GNE: variants seen among roughly 807,000 people sequenced by gnomAD.
GNE encodes the protein glucosamine (UDP-N-acetyl)-2-epimerase/N-acetylmannosamine kinase, also known as bifunctional UDP-N-acetylglucosamine 2-epimerase/N-acetylmannosamine kinase.
In GNE, 41 loss-of-function variants were observed where a neutral mutation model predicts 61.8. The observed-to-expected ratio is 0.66, with a 90% CI of 0.52 to 0.86. GNE has a LOEUF of 0.86. Among genes scored for constraint, GNE ranks in the 40% least tolerant of loss-of-function variants. The probability of loss-of-function intolerance (pLI) is 0.00; values close to 1 mark genes in which losing one functional copy is unlikely to be tolerated. For synonymous variants in GNE, 264 were observed against 326.4 expected (o/e 0.81, Z 2.06); for missense variants, 608 against 909.1 (o/e 0.67, Z 4.26).
rs1275681746 is a variant in GNE, at chr9:36,218,673, T to C, written c.1817-374A>G. ...TCATCCCAGACACAATGCTGTGCCA[T>C]CTGCCAGCGCCACGCGTTCTATGGC... On this transcript the variant is annotated intron_variant, in intron 10 of 11. Transcript: ENST00000642385. The surrounding 1 kb of genome is among the most constrained non-coding windows in gnomAD (Gnocchi z 4.1). Among the ~76,000 whole-genome samples, 1 of 152,218 alleles carries C rather than the reference T, an allele frequency of 6.6e-6. No homozygotes were observed. The highest frequency in any genetic ancestry group is 6.5e-5 in the Admixed American group (1 of 15,274).
intron 1 of GNE, among the ~76,000 whole-genome samples, chr9:36,256,655 A>G (rs1234854709): frequency 6.6e-6 from 1 of 152,150 alleles, no homozygotes; most frequent in Non-Finnish European, 1.5e-5. Context: ...TGCCCCACTC[A>G]ACCGTGGAAA....
At chr9:36,235,935 A>G (rs933968679) in intron 4 of GNE, among the ~76,000 whole-genome samples, 3 of 152,200 alleles carry the variant, frequency 2.0e-5, no homozygotes, top group Admixed American at 2.0e-4. Context: ...GACATTTCTC[A>G]TTAATATCTC....
upstream of GNE, among the ~76,000 whole-genome samples, chr9:36,260,186 T>TGGGAGGATCGCTTGTGCTC (rs1261166927): frequency 6.8e-6 from 1 of 147,582 alleles, no homozygotes; most frequent in Non-Finnish European, 1.5e-5. Flanking sequence ...AAGGCAGAGG[T>TGGGAGGATCGCTTGTGCTC]GGGAGGATCG....
intron 1 of GNE, among the ~76,000 whole-genome samples, chr9:36,273,794 G>A (rs558928685): frequency 4.0e-5 from 6 of 151,090 alleles, no homozygotes; most frequent in African/African-American, 7.3e-5. Flanking sequence ...ACCTGCCACC[G>A]CACCTGGCTA....
At chr9:36,231,683 T>C (rs1829162195) in intron 5 of GNE, among the ~76,000 whole-genome samples, 1 of 152,218 alleles carries the variant, frequency 6.6e-6, no homozygotes, top group Non-Finnish European at 1.5e-5. Context: ...AGTCTGATGA[T>C]TGTGGAGCTG....
upstream of GNE, among the ~76,000 whole-genome samples, chr9:36,262,269 AC>A (rs1221562831): frequency 6.6e-6 from 1 of 152,162 alleles, no homozygotes. Flanking sequence ...TTTCTAAGCC[AC>A]CTGCAAGTTT....
At chr9:36,275,295 G>A (rs2133205976) in intron 1 of GNE, among the ~76,000 whole-genome samples, 1 of 152,278 alleles carries the variant, frequency 6.6e-6, no homozygotes, top group South Asian at 2.1e-4. Context: ...CACATTCAGT[G>A]TGCCACAAAA....
In GNE at chr9:36,249,213, G is replaced by C. The variant is rs778299295; in HGVS notation, c.143C>G (p.Ser48Cys). 7 of 1,613,716 alleles carry C rather than the reference G, an allele frequency of 4.3e-6. No individual in the cohort carries two copies. Among genetic ancestry groups the C allele is most frequent in the South Asian group, 2.2e-5 (2 of 91,072 alleles). Residue 48 changes from serine (S) to cysteine (C), a missense_variant, in exon 2 of 12, where the codon TCT becomes TGT. Transcript: ENST00000642385. ...TTACCCATAGTCATCTATCAGGTGAGAGCCAAGTACCACAACATCAAGTTC... is the reference window on the plus strand; with the variant it reads ...TTACCCATAGTCATCTATCAGGTGACAGCCAAGTACCACAACATCAAGTTC... ...FFELDVVVLG[S>C]HLIDDYGNTY... is the part of the protein sequence containing the mutation.
chr9:36,243,448 C>T (rs996922181), intron 3 of GNE, among the ~76,000 whole-genome samples: 3 of 152,136 alleles, frequency 2.0e-5, no homozygotes, highest in Non-Finnish European at 2.9e-5. Context: ...AGTGTTTCAT[C>T]GGAAGCATAC....
intron 1 of GNE, among the ~76,000 whole-genome samples, chr9:36,268,240 A>G (rs1830882112): frequency 6.6e-6 from 1 of 152,208 alleles, no homozygotes; most frequent in African/African-American, 2.4e-5. Context: ...TGACTAATAG[A>G]AATTCAGAAA....
intron 1 of GNE, among the ~76,000 whole-genome samples, chr9:36,273,881 C>T (rs540427575): frequency 4.7e-4 from 72 of 152,074 alleles, no homozygotes; most frequent in Middle Eastern, 3.4e-3. Context: ...TCGATCCACC[C>T]GCCTCGGCCC....
chr9:36,234,128 G>C lies in GNE; in HGVS notation c.774C>G (p.Ser258Arg). ...TCCGCATCACTCGAACCATCTCTTTGCTCCCTATGAAAATGAAAAGAACCA... is the reference window on the plus strand; with the variant it reads ...TCCGCATCACTCGAACCATCTCTTTCCTCCCTATGAAAATGAAAAGAACCA... ...LVLFPNIDAG[S>R]KEMVRVMRKK... The change falls in exon 5 of 12, where the codon AGC (serine) becomes AGG (arginine). Residue 258 changes from serine (S) to arginine (R), a missense_variant. Ser to Arg is a moderately radical substitution (Grantham distance 110). Transcript: ENST00000642385. 6.2e-7 allele frequency: 1 copy of C among 1,612,022 alleles called. No homozygotes were observed. Among genetic ancestry groups the C allele is most frequent in the Non-Finnish European group, 8.5e-7 (1 of 1,178,144 alleles).
Position 36,258,401 on chromosome 9 carries a change from G to A in GNE, c.-123C>T. On this transcript the variant is annotated 5_prime_UTR_variant, in exon 1 of 12. Coordinates refer to ENST00000642385, the MANE Select transcript of GNE (RefSeq NM_005476.7). ...CGAACCAAGCGCCACGAAGCAGGCA[G>A]AGCGCGAGCCTGCCCCTCGGTTTCC... is the stretch of plus-strand genomic sequence containing the variant. 1 of 985,532 alleles carries A rather than the reference G, an allele frequency of 1.0e-6. No individual in the cohort carries two copies. The highest frequency in any genetic ancestry group is 1.2e-6 in the Non-Finnish European group (1 of 829,988). 61.0% of individuals were successfully genotyped at this position (985,532 alleles called of 1,614,324 possible).
intron 1 of GNE, among the ~76,000 whole-genome samples, chr9:36,254,196 C>G (rs1830233063): frequency 7.3e-6 from 1 of 137,104 alleles, no homozygotes; most frequent in African/African-American, 2.9e-5. Flanking sequence ...AAGAGTGAGA[C>G]TTTGTCTCAA....
chr9:36,220,703 A>G (rs981418461), intron 9 of GNE, among the ~76,000 whole-genome samples: 11 of 152,146 alleles, frequency 7.2e-5, no homozygotes, highest in Non-Finnish European at 1.5e-4. Context: ...ATCACACACT[A>G]CCTGCTTCCT....
At chr9:36,260,112 A>G (rs1563956939), upstream of GNE, among the ~76,000 whole-genome samples, 1 of 151,878 alleles carries the variant, frequency 6.6e-6, no homozygotes, top group East Asian at 1.9e-4. Context: ...TGACAGGGAA[A>G]AAGACTCAAG....
chr9:36,227,144 G>A lies in GNE; in HGVS notation c.1281+104C>T, dbSNP rs1196733575. 12 of 743,774 alleles carry A rather than the reference G, an allele frequency of 1.6e-5. No homozygotes were observed. In the Admixed American group the frequency reaches 1.8e-4, roughly 11 times the overall value. 46.1% of individuals were successfully genotyped at this position (743,774 alleles called of 1,614,324 possible). On this transcript the variant is annotated intron_variant, in intron 7 of 11. Transcript: ENST00000642385. ...CAATACTATCAGCAAATGATTACAAGCTCTTGTGTATGTTTCTAGTCTTAC... is the reference window on the plus strand; with the variant it reads ...CAATACTATCAGCAAATGATTACAAACTCTTGTGTATGTTTCTAGTCTTAC...
intron 9 of GNE, among the ~76,000 whole-genome samples, chr9:36,220,496 TG>T (rs1364226242): frequency 6.6e-5 from 10 of 152,310 alleles, no homozygotes; most frequent in Middle Eastern, 3.4e-3. Context: ...GAGGTGCTAG[TG>T]GAGTTCAGCC....
chr9:36,248,040 A>G lies in GNE; in HGVS notation c.164+1152T>C, dbSNP rs1587345237. Among the ~76,000 whole-genome samples, 6 of 151,756 alleles carry G rather than the reference A, an allele frequency of 4.0e-5. No individual in the cohort carries two copies. In the South Asian group the frequency reaches 1.3e-3, roughly 32 times the overall value. ...AAACTCCGTCTCAAAAAAAAAAAAAAAAAAAAAAATCTGTGGATCCCTGAG... is the reference window on the plus strand; with the variant it reads ...AAACTCCGTCTCAAAAAAAAAAAAAGAAAAAAAAATCTGTGGATCCCTGAG... On this transcript the variant is annotated intron_variant, in intron 2 of 11. Coordinates refer to ENST00000642385, the MANE Select transcript of GNE (RefSeq NM_005476.7).
Sources: gnomAD v4.1 joint callset for allele counts (sites outside exome capture counted in the v4.1 genomes callset) on GRCh38, gnomAD v4.1.1 for gene constraint, Gnocchi (gnomAD v3.1) non-coding constraint, MANE v1.5 for transcripts, NCBI Gene and HGNC (gene_info 2026-07-23, HGNC 2026-07-21) for gene names.